DIP2C: variants seen among roughly 807,000 people sequenced by gnomAD.
The protein encoded by DIP2C is disco-interacting protein 2 homolog C.
DIP2C carries 33 observed loss-of-function variants against 192.4 expected under a neutral mutation model. The ratio of observed to expected loss-of-function variants is 0.17; its 90% CI spans 0.13 to 0.23. The LOEUF (loss-of-function observed/expected upper bound fraction) is 0.23, where lower values mean the gene tolerates loss of function less well. DIP2C is among the 10% of genes least tolerant of loss of function. DIP2C has a pLI of 1.00. For synonymous variants in DIP2C, 979 were observed against 864.1 expected, an observed-to-expected ratio of 1.13 and a Z score of -2.33; for missense variants, 1,537 against 2,110.1, an observed-to-expected ratio of 0.73 and a Z score of 5.32.
At chr10:477,952 G>A (rs1412406771) in intron 2 of DIP2C, among the ~76,000 whole-genome samples, 3 of 84,048 alleles carry the variant, frequency 3.6e-5, no homozygotes, top group Non-Finnish European at 6.7e-5. Context: ...GGAAAAGAAG[G>A]AAAGAAAAGA....
At chr10:414,737 GTGTACATATATATATATATAA>G (rs1965452732) in intron 7 of DIP2C, among the ~76,000 whole-genome samples, 25 of 55,776 alleles carry the variant, frequency 4.5e-4, no homozygotes, top group Non-Finnish European at 7.6e-4. Context: ...GTGTGTGTGT[GTGTACATATATATATATATAA>G]TGTGTATATA....
At chr10:306,022 A>G (rs1206704989) in intron 32 of DIP2C, among the ~76,000 whole-genome samples, 1 of 150,624 alleles carries the variant, frequency 6.6e-6, no homozygotes, top group Non-Finnish European at 1.5e-5. Flanking sequence ...TAAAGTCTGA[A>G]AAACTCAAGT....
At chr10:369,702 A>C (rs1564625340) in intron 17 of DIP2C, 69 bp from the exon 18 acceptor site, 2 of 1,611,024 alleles carry the variant, frequency 1.2e-6, no homozygotes, top group Non-Finnish European at 1.7e-6. Flanking sequence ...ATGTGCAGTC[A>C]GCACACATGC....
intron 1 of DIP2C, among the ~76,000 whole-genome samples, chr10:685,531 C>G (rs554167247): frequency 6.6e-6 from 1 of 152,062 alleles, no homozygotes; most frequent in South Asian, 2.1e-4. Flanking sequence ...TAATTCAGCA[C>G]CTCCTAAACA....
intron 1 of DIP2C, among the ~76,000 whole-genome samples, chr10:558,113 T>C (rs1254001920): frequency 6.6e-6 from 1 of 152,214 alleles, no homozygotes; most frequent in African/African-American, 2.4e-5. Flanking sequence ...TATGACATTC[T>C]ATAAATTGGA....
intron 1 of DIP2C, chr10:667,610 A>G (rs1857174745): frequency 6.6e-6 from 1 of 152,346 alleles, no homozygotes; most frequent in African/African-American, 2.4e-5. Flanking sequence ...CTCACAACAC[A>G]ATATGCATTT....
intron 32 of DIP2C, among the ~76,000 whole-genome samples, chr10:290,821 T>C (rs761015909): frequency 1.3e-5 from 2 of 152,168 alleles, no homozygotes; most frequent in Non-Finnish European, 2.9e-5. Context: ...GGACACACCA[T>C]CTCCATTTCT....
At chr10:527,537 G>C (rs189953320) in intron 1 of DIP2C, among the ~76,000 whole-genome samples, 1 of 152,192 alleles carries the variant, frequency 6.6e-6, no homozygotes, top group African/African-American at 2.4e-5. Context: ...AGAGTTTGTT[G>C]AAAGTAACTT....
chr10:662,227 T>A, intron 1 of DIP2C: 1 of 661,920 alleles, frequency 1.5e-6, no homozygotes, highest in East Asian at 2.7e-5. Flanking sequence ...CTCTCATTCC[T>A]GGGTTCCTAG....
At chr10:503,034 C>A (rs1444194537) in intron 1 of DIP2C, among the ~76,000 whole-genome samples, 1 of 151,796 alleles carries the variant, frequency 6.6e-6, no homozygotes, top group African/African-American at 2.4e-5. Context: ...CGCCAGAACA[C>A]TAACCTGCGG....
At chr10:422,699 A>G in intron 5 of DIP2C, 125 bp downstream of exon 5, 1 of 1,182,676 alleles carries the variant, frequency 8.5e-7, no homozygotes. Flanking sequence ...AAAGCACCCC[A>G]GGGGCCAGAG....
chr10:382,775 G>C lies in DIP2C; in HGVS notation c.1877-14C>G. 6.4e-7 allele frequency: 1 copy of C among 1,573,832 alleles called. No individual in the cohort carries two copies. Among genetic ancestry groups the C allele is most frequent in the Non-Finnish European group, 8.7e-7 (1 of 1,149,432 alleles). On this transcript the variant is annotated splice_polypyrimidine_tract_variant and intron_variant, in intron 16 of 36. Coordinates refer to ENST00000280886, the MANE Select transcript of DIP2C (RefSeq NM_014974.3). Reference sequence around the variant, plus strand: ...AAGAAATAGACCCTAGAGTGAAAGAGGGACAATGATCAGACAGCTGAAGCA... The same window carrying C: ...AAGAAATAGACCCTAGAGTGAAAGACGGACAATGATCAGACAGCTGAAGCA...
intron 4 of DIP2C, among the ~76,000 whole-genome samples, chr10:424,253 T>G (rs1039494610): frequency 3.3e-5 from 5 of 151,480 alleles, no homozygotes; most frequent in African/African-American, 1.2e-4. Context: ...TACACACTTA[T>G]TATCACTGTC....
At chr10:546,799 A>T (rs903860085) in intron 1 of DIP2C, among the ~76,000 whole-genome samples, 1 of 152,232 alleles carries the variant, frequency 6.6e-6, no homozygotes, top group African/African-American at 2.4e-5. Context: ...TCAAAAAAAA[A>T]AATCACATCA....
At chr10:607,549 A>G (rs1232725694) in intron 1 of DIP2C, among the ~76,000 whole-genome samples, 1 of 152,188 alleles carries the variant, frequency 6.6e-6, no homozygotes, top group African/African-American at 2.4e-5. Context: ...ACGTGGCTAA[A>G]CTGTTCTGAT....
chr10:548,202 T>TACCCCC (rs1329096929), intron 1 of DIP2C, among the ~76,000 whole-genome samples: 2 of 58,260 alleles, frequency 3.4e-5, no homozygotes, highest in African/African-American at 1.1e-4. Context: ...CACACGAGTC[T>TACCCCC]GCCCCACCCC....
chr10:309,344 G>A (rs1956473224), intron 32 of DIP2C, among the ~76,000 whole-genome samples: 1 of 151,984 alleles, frequency 6.6e-6, no homozygotes, highest in African/African-American at 2.4e-5. Context: ...AAGGTAACCT[G>A]ACCCCTAACC....
intron 22 of DIP2C, among the ~76,000 whole-genome samples, chr10:359,389 G>A (rs376648353): frequency 6.6e-6 from 1 of 152,198 alleles, no homozygotes; most frequent in South Asian, 2.1e-4. Flanking sequence ...GGAGGAGAAC[G>A]GTCTATGAGC....
At chr10:459,546 T>C (rs116506073) in intron 3 of DIP2C, among the ~76,000 whole-genome samples, 2,365 of 152,338 alleles carry the variant, frequency 0.016, 66 homozygotes, top group African/African-American at 0.054. Flanking sequence ...ACATGGGTTC[T>C]AGTATCTTCC....
Sources: allele counts gnomAD v4.1 joint callset (sites outside exome capture counted in the v4.1 genomes callset), GRCh38; gene constraint gnomAD v4.1.1; transcripts MANE v1.5; gene names NCBI Gene and HGNC (gene_info 2026-07-23, HGNC 2026-07-21).